SSH2: variants seen among roughly 807,000 people sequenced by gnomAD.
SSH2 encodes slingshot protein phosphatase 2.
Under a neutral mutation model 135.2 loss-of-function variants are expected in SSH2, and 37 were observed. The ratio of observed to expected loss-of-function variants is 0.27; its 90% confidence interval spans 0.21 to 0.36. The LOEUF is 0.36. SSH2 is among the 10% of genes least tolerant of loss of function. The pLI is 1.00. For missense variants in SSH2, 1,408 were observed against 1,765.3 expected, an observed-to-expected ratio of 0.80 and a Z score of 3.63; for synonymous variants, 628 against 646.2, an observed-to-expected ratio of 0.97 and a Z score of 0.43.
chr17:29,690,720 C>T (rs1305628802), intron 5 of SSH2, among the ~76,000 whole-genome samples: 1 of 151,874 alleles, frequency 6.6e-6, no homozygotes, highest in Non-Finnish European at 1.5e-5. Context: ...CAGGAAGTCT[C>T]TGAATTTTTT....
chr17:29,821,669 G>A (rs538631944), intron 2 of SSH2, among the ~76,000 whole-genome samples: 22 of 147,530 alleles, frequency 1.5e-4, no homozygotes, highest in African/African-American at 5.5e-4. Flanking sequence ...TTTTTGAGGT[G>A]GAGTCTCGCT....
Position 29,631,590 on chromosome 17 carries a change from G to A in SSH2, c.3604C>T (p.Pro1202Ser), listed in dbSNP as rs1400549665. 9 of 1,613,968 alleles carry A rather than the reference G, an allele frequency of 5.6e-6. No homozygotes were observed. The African/African-American group carries it at 1.1e-4, about 19-fold the overall frequency. Residue 1202 changes from proline (P) to serine (S), a missense_variant, in exon 16 of 16, where the codon CCA (proline) becomes TCA (serine). Physicochemically the swap from Pro to Ser is moderately conservative, Grantham distance 74. This residue lies in a region of SSH2 where 1,080 missense variants were observed against 1,144.5 expected (regional missense o/e 0.94). Transcript: ENST00000540801. ...CTACTTAGCTGGGAGTCCTTATATG[G>A]CACCTCACTGCCACTGGAGAGAGGG... ...ESPLSSGSEV[P>S]YKDSQLSSAD...
At chr17:29,914,117 A>G (rs2066838041) in intron 1 of SSH2, among the ~76,000 whole-genome samples, 2 of 152,182 alleles carry the variant, frequency 1.3e-5, no homozygotes, top group Non-Finnish European at 2.9e-5. Flanking sequence ...TTACAAGTGT[A>G]TATCTTATAT....
chr17:29,752,652 CATAAG>C (rs1437508713), intron 3 of SSH2, among the ~76,000 whole-genome samples: 1 of 151,766 alleles, frequency 6.6e-6, no homozygotes, highest in African/African-American at 2.4e-5. Flanking sequence ...ATCTTGAAAT[CATAAG>C]ATAAAATACA....
At chr17:29,666,059 C>T (rs2037258417) in intron 11 of SSH2, among the ~76,000 whole-genome samples, 1 of 152,118 alleles carries the variant, frequency 6.6e-6, no homozygotes, top group South Asian at 2.1e-4. Context: ...CTATTTGGGG[C>T]CAGGCGCGAT....
chr17:29,676,831 C>T lies in SSH2; in HGVS notation c.603G>A (p.Val201=). Residue 201 remains valine, a synonymous_variant, in exon 8 of 16, where the codon GTG becomes GTA. Coordinates refer to ENST00000540801, the MANE Select transcript of SSH2 (RefSeq NM_001282129.2). ...AAAAGTCATCTTACCACATTGCCTG[C>T]ACAGATACAGGTTTGAATATGTGAA... ...NRVHIFKPVS[V]QAMWSALQSL... is the part of the protein sequence containing the mutation. The T allele has an allele frequency of 6.2e-7, 1 of 1,613,430 alleles. No individual in the cohort carries two copies. The highest frequency in any genetic ancestry group is 8.5e-7 in the Non-Finnish European group (1 of 1,179,496).
intron 1 of SSH2, among the ~76,000 whole-genome samples, chr17:29,865,641 A>G (rs1010237537): frequency 1.6e-4 from 25 of 152,198 alleles, no homozygotes; most frequent in Admixed American, 9.2e-4. Flanking sequence ...ACTGAACCCA[A>G]ATGGGGTTTG....
chr17:29,903,504 T>C (rs1487464266), intron 1 of SSH2, among the ~76,000 whole-genome samples: 3 of 151,870 alleles, frequency 2.0e-5, no homozygotes, highest in African/African-American at 7.2e-5. Context: ...GACAAGCCTA[T>C]TTTTACTGCC....
intron 3 of SSH2, among the ~76,000 whole-genome samples, chr17:29,774,219 G>C (rs1449999492): frequency 1.3e-5 from 2 of 152,102 alleles, no homozygotes; most frequent in Non-Finnish European, 2.9e-5. Context: ...TTTCCTAATA[G>C]CCTTTTACTT....
intron 1 of SSH2, among the ~76,000 whole-genome samples, chr17:29,876,302 C>T (rs1410227403): frequency 6.6e-6 from 1 of 151,680 alleles, no homozygotes; most frequent in Admixed American, 6.6e-5. Flanking sequence ...GACACATAGA[C>T]CAATGGAACA....
intron 2 of SSH2, among the ~76,000 whole-genome samples, chr17:29,811,988 G>C (rs1880445872): frequency 6.6e-6 from 1 of 151,880 alleles, no homozygotes; most frequent in South Asian, 2.1e-4. Context: ...TTATATAAAA[G>C]AGGAGATTAC....
chr17:29,868,371 C>T (rs758660354), intron 1 of SSH2, among the ~76,000 whole-genome samples: 1 of 152,148 alleles, frequency 6.6e-6, no homozygotes, highest in Non-Finnish European at 1.5e-5. Context: ...AGTTCAGTAG[C>T]CAACACCATA....
rs144167375 is a variant in SSH2 at position 29,885,592 on chromosome 17, T to C, written c.64-36663A>G. Among the ~76,000 whole-genome samples the C allele has an allele frequency of 3.8e-3, 573 of 152,164 alleles. 4 individuals are homozygous for C. Among genetic ancestry groups the C allele is most frequent in the African/African-American group, 0.013 (549 of 41,524 alleles). On this transcript the variant is annotated intron_variant, in intron 1 of 15. Coordinates refer to ENST00000540801, the MANE Select transcript of SSH2 (RefSeq NM_001282129.2). ...AACCAGGGAAGGAGTGGAGATTGAGTCAGTTACCAATGACCAATGATTTAA... is the reference window on the plus strand; with the variant it reads ...AACCAGGGAAGGAGTGGAGATTGAGCCAGTTACCAATGACCAATGATTTAA...
intron 1 of SSH2, among the ~76,000 whole-genome samples, chr17:29,915,615 C>G (rs2151479799): frequency 6.6e-6 from 1 of 152,260 alleles, no homozygotes; most frequent in East Asian, 1.9e-4. Context: ...TAATATGCTG[C>G]TAAGCATAGC....
chr17:29,801,600 A>C (rs1338124751), intron 2 of SSH2, among the ~76,000 whole-genome samples: 2 of 151,972 alleles, frequency 1.3e-5, no homozygotes, highest in Admixed American at 1.3e-4. Flanking sequence ...TCCAAACCTA[A>C]CGGTTGCTGT....
In SSH2 at chr17:29,648,352, G is replaced by C; in HGVS notation, c.1227-8C>G. 1 of 1,593,474 alleles carries C rather than the reference G, an allele frequency of 6.3e-7. No homozygotes were observed. The highest frequency in any genetic ancestry group is 1.1e-5 in the South Asian group (1 of 88,652). The stretch of plus-strand genomic sequence containing the variant: ...CATTTAGATCCATGTTTCCTTGTTT[G>C]GGGGATTGAGGTAAAGAATAGAGGA... On this transcript the variant is annotated splice_region_variant and splice_polypyrimidine_tract_variant and intron_variant, in intron 13 of 15. Coordinates refer to ENST00000540801, the MANE Select transcript of SSH2 (RefSeq NM_001282129.2).
intron 14 of SSH2, among the ~76,000 whole-genome samples, chr17:29,643,481 A>G (rs141400944): frequency 0.016 from 2,434 of 149,366 alleles, 75 homozygotes; most frequent in African/African-American, 0.056. Flanking sequence ...GCATGATCTC[A>G]GCTCACTGCA....
chr17:29,814,748 A>T (rs889756245), intron 2 of SSH2, among the ~76,000 whole-genome samples: 49 of 152,134 alleles, frequency 3.2e-4, no homozygotes, highest in African/African-American at 1.2e-3. Flanking sequence ...TTATATATTT[A>T]AAATAAAAAC....
intron 14 of SSH2, chr17:29,640,562 G>A (rs1364662342): frequency 3.3e-5 from 5 of 152,028 alleles, no homozygotes; most frequent in Admixed American, 1.3e-4. Context: ...TACTGGGCCA[G>A]GGCTCTGGAA....
Sources: gnomAD v4.1 joint callset for allele counts (sites outside exome capture counted in the v4.1 genomes callset) on GRCh38, gnomAD v4.1.1 for gene constraint, gnomAD v4.1.1 regional missense constraint, MANE v1.5 for transcripts, NCBI Gene and HGNC (gene_info 2026-07-23, HGNC 2026-07-21) for gene names.